DGKI: variants seen among roughly 807,000 people sequenced by gnomAD.
DGKI encodes diacylglycerol kinase iota.
Under a neutral mutation model 147.5 loss-of-function variants are expected in DGKI, and 55 were observed. That is an observed-to-expected ratio of 0.37 (90% CI 0.30 to 0.47). DGKI has a LOEUF of 0.47. DGKI is among the 20% of genes least tolerant of loss of function. The pLI, the probability that DGKI is intolerant of heterozygous loss-of-function variation, is 1.00. For synonymous variants in DGKI, 469 were observed against 477.1 expected, an observed-to-expected ratio of 0.98 and a Z score of 0.22; for missense variants, 1,007 against 1,323.8, an observed-to-expected ratio of 0.76 and a Z score of 3.71.
intron 28 of DGKI, among the ~76,000 whole-genome samples, chr7:137,423,356 A>T (rs1812655902): frequency 1.3e-5 from 2 of 152,188 alleles, no homozygotes; most frequent in African/African-American, 2.4e-5. Context: ...CCCTGAACTC[A>T]CTGGATGTGT....
At chr7:137,836,348 G>C (rs1300007582) in intron 1 of DGKI, among the ~76,000 whole-genome samples, 1 of 152,196 alleles carries the variant, frequency 6.6e-6, no homozygotes, top group Non-Finnish European at 1.5e-5. Context: ...CTGCACTCAT[G>C]AACATACTGA....
At chr7:137,429,266 G>T (rs1469889231) in intron 28 of DGKI, among the ~76,000 whole-genome samples, 1 of 151,082 alleles carries the variant, frequency 6.6e-6, no homozygotes, top group Non-Finnish European at 1.5e-5. Flanking sequence ...ACAACTATCT[G>T]ATCTTTGACA....
At chr7:137,465,577 A>T (rs1325087152) in intron 26 of DGKI, among the ~76,000 whole-genome samples, 1 of 152,168 alleles carries the variant, frequency 6.6e-6, no homozygotes, top group Non-Finnish European at 1.5e-5. Context: ...AAGAGGAGAA[A>T]ATTTGTCAAA....
chr7:137,659,676 T>C (rs1171181311), intron 3 of DGKI, among the ~76,000 whole-genome samples: 2 of 152,220 alleles, frequency 1.3e-5, no homozygotes, highest in African/African-American at 4.8e-5. Flanking sequence ...CTCATGCCTG[T>C]AATCCCAGCA....
At chr7:137,743,127 TACA>T (rs1196432559) in intron 1 of DGKI, among the ~76,000 whole-genome samples, 5 of 152,336 alleles carry the variant, frequency 3.3e-5, no homozygotes, top group African/African-American at 4.8e-5. Flanking sequence ...CCCAGATTTA[TACA>T]ACAATTACTT....
chr7:137,389,457 A>C lies in DGKI; in HGVS notation c.*1763T>G, dbSNP rs1811281695. On this transcript the variant is annotated 3_prime_UTR_variant, in exon 33 of 33. Transcript: ENST00000614521. The stretch of plus-strand genomic sequence containing the variant: ...ATGATATGTTACCGAAATGTGACTC[A>C]GATAAGCAAAATGTCACCATTAGAC... The C allele has an allele frequency of 6.6e-6, 1 of 152,240 alleles. No individual in the cohort carries two copies. The allele number at this position is 152,240 out of a possible 1,614,324, so 9.4% of individuals were successfully genotyped here. A position where few individuals can be genotyped will look rare whatever the true frequency, so the allele number is the denominator to read the frequency against.
intron 30 of DGKI, among the ~76,000 whole-genome samples, chr7:137,406,075 G>T (rs1031553809): frequency 6.6e-6 from 1 of 152,062 alleles, no homozygotes; most frequent in East Asian, 1.9e-4. Context: ...CCAGAGAGAG[G>T]GTAGGTGGGC....
At chr7:137,493,647 A>T (rs1375722237) in intron 21 of DGKI, 1 of 674,548 alleles carries the variant, frequency 1.5e-6, no homozygotes, top group African/African-American at 1.8e-5. Context: ...ACACCAAAGA[A>T]AATGAAAGCA....
At chr7:137,781,789 T>C (rs1423401060) in intron 1 of DGKI, among the ~76,000 whole-genome samples, 2 of 152,232 alleles carry the variant, frequency 1.3e-5, no homozygotes, top group Non-Finnish European at 2.9e-5. Context: ...GGGAAGGACA[T>C]GTCCCACTGT....
intron 1 of DGKI, among the ~76,000 whole-genome samples, chr7:137,765,574 T>C (rs940631402): frequency 3.9e-5 from 6 of 152,238 alleles, no homozygotes; most frequent in Non-Finnish European, 5.9e-5. Context: ...TTGTCTTGTC[T>C]GTGATGTCAC....
At chr7:137,539,742 A>G (rs1467272923) in intron 20 of DGKI, among the ~76,000 whole-genome samples, 2 of 151,924 alleles carry the variant, frequency 1.3e-5, no homozygotes, top group Non-Finnish European at 2.9e-5. Flanking sequence ...GAAGGAAGGA[A>G]ATAATAAAGG....
intron 21 of DGKI, among the ~76,000 whole-genome samples, chr7:137,515,814 A>T (rs1268621864): frequency 5.9e-5 from 9 of 152,132 alleles, no homozygotes; most frequent in Admixed American, 4.6e-4. Context: ...CAATAGTACG[A>T]TGTGTGTTAA....
At chr7:137,786,205 T>C (rs1294253553) in intron 1 of DGKI, among the ~76,000 whole-genome samples, 4 of 152,272 alleles carry the variant, frequency 2.6e-5, no homozygotes, top group East Asian at 3.9e-4. Flanking sequence ...GATGATATCA[T>C]TGTATACCTA....
At chr7:137,746,477 C>G (rs2116731895) in intron 1 of DGKI, among the ~76,000 whole-genome samples, 1 of 152,286 alleles carries the variant, frequency 6.6e-6, no homozygotes, top group African/African-American at 2.4e-5. Context: ...GGGAGCCAAG[C>G]CACACTGTGA....
chr7:137,615,271 C>A (rs955308554), intron 8 of DGKI, among the ~76,000 whole-genome samples: 5 of 152,052 alleles, frequency 3.3e-5, no homozygotes, highest in Non-Finnish European at 5.9e-5. Flanking sequence ...GATTTACACA[C>A]AGCTGAATTT....
At chr7:137,520,727 G>A (rs956924739) in intron 21 of DGKI, among the ~76,000 whole-genome samples, 9 of 152,030 alleles carry the variant, frequency 5.9e-5, no homozygotes, top group African/African-American at 1.9e-4. Flanking sequence ...GGCTACCAGG[G>A]ATATGGCTCC....
chr7:137,524,026 G>A (rs570758190), intron 20 of DGKI, among the ~76,000 whole-genome samples: 2 of 151,394 alleles, frequency 1.3e-5, no homozygotes, highest in Non-Finnish European at 2.9e-5. Context: ...GGATTTGACG[G>A]CAAAACTATA....
intron 1 of DGKI, among the ~76,000 whole-genome samples, chr7:137,710,735 AAC>A (rs1402980174): frequency 6.6e-6 from 1 of 152,172 alleles, no homozygotes; most frequent in South Asian, 2.1e-4. Flanking sequence ...TAATAAATAG[AAC>A]ACACACACAC....
chr7:137,448,989 A>T (rs1451158634), intron 27 of DGKI, among the ~76,000 whole-genome samples: 1 of 152,244 alleles, frequency 6.6e-6, no homozygotes, highest in East Asian at 1.9e-4. Context: ...AAAGAAATTG[A>T]AAAAGATACA....
Sources: allele counts gnomAD v4.1 joint callset (sites outside exome capture counted in the v4.1 genomes callset), GRCh38; gene constraint gnomAD v4.1.1; transcripts MANE v1.5; gene names NCBI Gene and HGNC (gene_info 2026-07-23, HGNC 2026-07-21).